The following PRELID2 variants were observed in gnomAD, a reference collection of about 807,000 sequenced individuals.
PRELID2 encodes PRELI domain containing 2.
PRELID2 carries 25 observed loss-of-function variants against 28.4 expected under a neutral mutation model. The ratio of observed to expected loss-of-function variants is 0.88; its 90% CI spans 0.64 to 1.23. The LOEUF is 1.23. Ranked by LOEUF, PRELID2 falls within the 50% of genes most tolerant of loss-of-function variation. The probability of loss-of-function intolerance (pLI) is 0.00; values close to 1 mark genes in which losing one functional copy is unlikely to be tolerated. For missense variants in PRELID2, 201 were observed against 214.4 expected, an observed-to-expected ratio of 0.94 and a Z score of 0.39; for synonymous variants, 76 against 71.6, an observed-to-expected ratio of 1.06 and a Z score of -0.31.
intron 1 of PRELID2, among the ~76,000 whole-genome samples, chr5:145,719,572 G>A (rs888141323): frequency 5.9e-5 from 9 of 151,696 alleles, no homozygotes; most frequent in African/African-American, 2.2e-4. Flanking sequence ...ATGACAGATC[G>A]ATATCCATTG....
intron 1 of PRELID2, among the ~76,000 whole-genome samples, chr5:145,546,645 C>T (rs941544938): frequency 1.3e-5 from 2 of 152,138 alleles, no homozygotes; most frequent in African/African-American, 4.8e-5. Flanking sequence ...ATTGGCTCCA[C>T]CTCAGGTAGA....
At chr5:145,322,585 A>C in the PRELID2 span, among the ~76,000 whole-genome samples, 1 of 152,240 alleles carries the variant, frequency 6.6e-6, no homozygotes, top group African/African-American at 2.4e-5. Context: ...CAGAAAAACA[A>C]ATGCAAATTA....
the PRELID2 span, among the ~76,000 whole-genome samples, chr5:145,413,611 TACACACACACACACAC>T: frequency 7.9e-5 from 11 of 140,058 alleles, no homozygotes; most frequent in East Asian, 4.4e-4. Context: ...ATGAAGAAAA[TACACACACACACACAC>T]ACACACACAC....
At chr5:145,337,708 T>C in the PRELID2 span, among the ~76,000 whole-genome samples, 3 of 51,226 alleles carry the variant, frequency 5.9e-5, no homozygotes, top group Non-Finnish European at 1.1e-4. Context: ...TATATATATA[T>C]ATATATATAT....
chr5:145,549,095 C>A (rs79540603), intron 1 of PRELID2, among the ~76,000 whole-genome samples: 8,985 of 152,206 alleles, frequency 0.059, 891 homozygotes, highest in African/African-American at 0.2. Context: ...AAGTCCTGAG[C>A]TCCCCTACAG....
intron 1 of PRELID2, among the ~76,000 whole-genome samples, chr5:145,626,429 C>T (rs191593431): frequency 4.6e-5 from 7 of 152,194 alleles, no homozygotes; most frequent in Middle Eastern, 3.4e-3. Flanking sequence ...AAATACACAA[C>T]GTCGCTAATC....
chr5:145,493,202 TAC>T (rs1554074027), intron 1 of PRELID2, among the ~76,000 whole-genome samples: 3 of 95,860 alleles, frequency 3.1e-5, no homozygotes, highest in Admixed American at 1.1e-4. Context: ...TGGAGAGTTC[TAC>T]TCCACCATCT....
intron 1 of PRELID2, among the ~76,000 whole-genome samples, chr5:145,736,332 CA>C (rs1253395247): frequency 9.2e-5 from 14 of 152,102 alleles, no homozygotes; most frequent in African/African-American, 3.4e-4. Flanking sequence ...ATTTATTCTT[CA>C]TTGTCAGAAT....
intron 1 of PRELID2, among the ~76,000 whole-genome samples, chr5:145,528,724 CACAG>C (rs70998023): frequency 0.094 from 5,279 of 55,880 alleles, 61 homozygotes; most frequent in East Asian, 0.31. Context: ...CACACACACA[CACAG>C]AGAGAGAGAG....
the PRELID2 span, among the ~76,000 whole-genome samples, chr5:145,446,490 A>G: frequency 1.3e-5 from 2 of 152,130 alleles, no homozygotes; most frequent in Admixed American, 1.3e-4. Flanking sequence ...GGGGAGTAGT[A>G]GAAACCTTAA....
At chr5:145,317,926 A>G in the PRELID2 span, among the ~76,000 whole-genome samples, 56,283 of 152,012 alleles carry the variant, frequency 0.37, 11,815 homozygotes, top group Non-Finnish European at 0.47. Flanking sequence ...AGATCTCACT[A>G]TAATGATAAT....
chr5:145,578,826 C>T (rs1340425728), intron 1 of PRELID2, among the ~76,000 whole-genome samples: 3 of 151,986 alleles, frequency 2.0e-5, no homozygotes, highest in South Asian at 2.1e-4. Context: ...CACAATGGTG[C>T]CATTAAGTAG....
the PRELID2 span, among the ~76,000 whole-genome samples, chr5:145,382,783 T>C: frequency 2.0e-5 from 3 of 151,954 alleles, no homozygotes; most frequent in Admixed American, 1.3e-4. Flanking sequence ...TGGAAAATAT[T>C]TCATTTTTCC....
the PRELID2 span, among the ~76,000 whole-genome samples, chr5:145,431,892 C>T: frequency 6.6e-6 from 1 of 152,112 alleles, no homozygotes; most frequent in African/African-American, 2.4e-5. Context: ...CAGGGATGTT[C>T]ACAATGGCAT....
intron 1 of PRELID2, among the ~76,000 whole-genome samples, chr5:145,529,950 C>T (rs961408759): frequency 3.3e-5 from 5 of 152,122 alleles, no homozygotes; most frequent in Admixed American, 6.6e-5. Flanking sequence ...TCTTCCTGCT[C>T]ATATTGTGAC....
the PRELID2 span, among the ~76,000 whole-genome samples, chr5:145,388,429 T>C: frequency 2.0e-5 from 3 of 152,292 alleles, no homozygotes; most frequent in South Asian, 2.1e-4. Flanking sequence ...TCTTTGTCCA[T>C]TAATGCTTTT....
chr5:145,631,605 G>C (rs1753933643), intron 1 of PRELID2, among the ~76,000 whole-genome samples: 1 of 152,094 alleles, frequency 6.6e-6, no homozygotes, highest in African/African-American at 2.4e-5. Context: ...GGTTTGGACT[G>C]TTTTATTCAC....
the PRELID2 span, among the ~76,000 whole-genome samples, chr5:145,422,470 C>T: frequency 3.9e-5 from 6 of 152,120 alleles, no homozygotes; most frequent in Non-Finnish European, 7.3e-5. Context: ...TTGAATTGAT[C>T]CCTTTACCAT....
chr5:145,240,455 A>C, the PRELID2 span, among the ~76,000 whole-genome samples: 1 of 152,020 alleles, frequency 6.6e-6, no homozygotes, highest in African/African-American at 2.4e-5. Flanking sequence ...TTACATATTT[A>C]TAAATAGTAA....
Sources: allele counts gnomAD v4.1 joint callset (sites outside exome capture counted in the v4.1 genomes callset), GRCh38; gene constraint gnomAD v4.1.1; transcripts MANE v1.5; gene names NCBI Gene and HGNC (gene_info 2026-07-23, HGNC 2026-07-21).